EDARADD: variants seen among roughly 807,000 people sequenced by gnomAD.
EDARADD encodes the protein EDAR associated via death domain.
Under a neutral mutation model 25.6 loss-of-function variants are expected in EDARADD, and 20 were observed. The observed-to-expected ratio is 0.78, with a 90% CI of 0.55 to 1.14. The LOEUF (loss-of-function observed/expected upper bound fraction) is 1.14. Ranked by LOEUF, EDARADD falls within the 50% of genes most tolerant of loss-of-function variation. The pLI is 0.00. For missense variants in EDARADD, 225 were observed against 270.1 expected, an observed-to-expected ratio of 0.83 and a Z score of 1.17; for synonymous variants, 86 against 94.4, an observed-to-expected ratio of 0.91 and a Z score of 0.52.
intron 4 of EDARADD, among the ~76,000 whole-genome samples, chr1:236,439,130 C>T (rs975583884): frequency 2.6e-5 from 4 of 152,210 alleles, no homozygotes; most frequent in South Asian, 2.1e-4. Flanking sequence ...TGGCTTCTTT[C>T]CCTTAGTAAT....
At chr1:236,426,456 G>A (rs1033278351) in intron 3 of EDARADD, among the ~76,000 whole-genome samples, 35 of 152,220 alleles carry the variant, frequency 2.3e-4, no homozygotes, top group African/African-American at 8.4e-4. Flanking sequence ...GGGGGACACA[G>A]ATGTTGTACT....
intron 2 of EDARADD, among the ~76,000 whole-genome samples, chr1:236,412,773 T>C (rs1657529221): frequency 6.6e-6 from 1 of 152,266 alleles, no homozygotes; most frequent in Non-Finnish European, 1.5e-5. Context: ...GGATGTTTAC[T>C]TAAAACTATG....
At chr1:236,367,906 C>T (rs1054260697) in intron 3 of EDARADD, among the ~76,000 whole-genome samples, 10 of 150,078 alleles carry the variant, frequency 6.7e-5, no homozygotes, top group African/African-American at 1.2e-4. Context: ...CCCAGAAATT[C>T]GAGACCAGCC....
intron 3 of EDARADD, among the ~76,000 whole-genome samples, chr1:236,351,293 A>G (rs755174943): frequency 1.3e-5 from 2 of 152,126 alleles, no homozygotes; most frequent in African/African-American, 4.8e-5. Context: ...CCTTTTAGGT[A>G]GACAGGTTAA....
At chr1:236,452,574 G>C (rs1488134517) in intron 4 of EDARADD, among the ~76,000 whole-genome samples, 1 of 152,028 alleles carries the variant, frequency 6.6e-6, no homozygotes, top group Non-Finnish European at 1.5e-5. Context: ...ATGACTGTAA[G>C]TTTCTTGAGG....
At chr1:236,405,773 CTTT>C (rs1558112388) in intron 1 of EDARADD, among the ~76,000 whole-genome samples, 1,068 of 65,630 alleles carry the variant, frequency 0.016, 17 homozygotes, top group Non-Finnish European at 0.023. Flanking sequence ...TTCTTTCTTT[CTTT>C]CTTTCTTTCT....
intron 5 of EDARADD, among the ~76,000 whole-genome samples, chr1:236,476,536 T>TG (rs1659512055): frequency 2.0e-5 from 3 of 151,642 alleles, no homozygotes; most frequent in Non-Finnish European, 2.9e-5. Context: ...ATTTTTTTTT[T>TG]TTGTTTGAGA....
intron 5 of EDARADD, among the ~76,000 whole-genome samples, chr1:236,480,665 C>A (rs981263550): frequency 1.3e-5 from 2 of 152,110 alleles, no homozygotes; most frequent in African/African-American, 4.8e-5. Context: ...TCTAAAGTGA[C>A]CTTTGGCTGT....
At chr1:236,456,189 C>T (rs931937623) in intron 4 of EDARADD, among the ~76,000 whole-genome samples, 2 of 152,166 alleles carry the variant, frequency 1.3e-5, no homozygotes, top group African/African-American at 2.4e-5. Flanking sequence ...TCAAATCAAG[C>T]GAGAAATCAC....
chr1:236,456,846 C>T lies in EDARADD; in HGVS notation c.220-11385C>T, dbSNP rs1658882993. Among the ~76,000 whole-genome samples, 5 of 152,174 alleles carry T rather than the reference C, an allele frequency of 3.3e-5. No homozygotes were observed. In the South Asian group the frequency reaches 1.0e-3, roughly 32 times the overall value. On this transcript the variant is annotated intron_variant, in intron 4 of 5. Coordinates refer to ENST00000334232, the MANE Select transcript of EDARADD (RefSeq NM_145861.4). Reference sequence around the variant, plus strand: ...CCCCGGCCCTGCAGCCGTCCTGTGGCCTCACTGACCCAGCGTCATGCCCTG... The same window carrying T: ...CCCCGGCCCTGCAGCCGTCCTGTGGTCTCACTGACCCAGCGTCATGCCCTG...
chr1:236,442,447 T>TCTAGGACTTTCCTAG (rs1658426424), intron 4 of EDARADD, among the ~76,000 whole-genome samples: 1 of 152,200 alleles, frequency 6.6e-6, no homozygotes, highest in Non-Finnish European at 1.5e-5. Context: ...AGCCTGGCCA[T>TCTAGGACTTTCCTAG]CTAGGACTTT....
intron 3 of EDARADD, among the ~76,000 whole-genome samples, chr1:236,359,784 A>G (rs970532720): frequency 5.3e-5 from 8 of 152,196 alleles, no homozygotes; most frequent in Admixed American, 3.9e-4. Flanking sequence ...ACTTGCCACC[A>G]TGATTCAGTT....
chr1:236,478,591 A>T (rs1464808207), intron 5 of EDARADD, among the ~76,000 whole-genome samples: 6 of 151,810 alleles, frequency 4.0e-5, no homozygotes, highest in Non-Finnish European at 8.8e-5. Context: ...ATTTTATTTT[A>T]TTTATTTATT....
intron 3 of EDARADD, among the ~76,000 whole-genome samples, chr1:236,380,060 G>C (rs1667280422): frequency 6.6e-6 from 1 of 152,158 alleles, no homozygotes; most frequent in Non-Finnish European, 1.5e-5. Context: ...TGCCTTTGGT[G>C]CCCGTACCTG....
At position 236,395,532 on chromosome 1, in the gene EDARADD, A is replaced by T. The variant is rs1034918114; in HGVS notation, c.61+1027A>T. On this transcript the variant is annotated intron_variant, in intron 1 of 5. Transcript: ENST00000334232. This position sits in a 1 kb window ranked among gnomAD's most constrained non-coding sequence, Gnocchi z 6.9. ...CCACGGTTTGCTCCAGGCGCGTCGG[A>T]ACCGCAGGACTTTTCATCCCCGTGG... The T allele has an allele frequency of 6.5e-7, 1 of 1,536,352 alleles. No homozygotes were observed. Among genetic ancestry groups the T allele is most frequent in the Admixed American group, 2.0e-5 (1 of 50,852 alleles).
intron 3 of EDARADD, among the ~76,000 whole-genome samples, chr1:236,415,009 T>C (rs1270728426): frequency 1.3e-5 from 2 of 152,048 alleles, no homozygotes; most frequent in South Asian, 2.1e-4. Flanking sequence ...TTGGGCAGGA[T>C]TTCCCCCCGT....
chr1:236,418,010 G>A (rs953388865), intron 3 of EDARADD, among the ~76,000 whole-genome samples: 6 of 150,066 alleles, frequency 4.0e-5, no homozygotes, highest in African/African-American at 7.4e-5. Context: ...CTGGAGTGCA[G>A]TGGTGCGATC....
chr1:236,405,796 TTTTC>T (rs1323039739), intron 1 of EDARADD, among the ~76,000 whole-genome samples: 14 of 110,626 alleles, frequency 1.3e-4, no homozygotes, highest in African/African-American at 4.7e-4. Flanking sequence ...TTTCTTTTCT[TTTTC>T]TTTCTTTCTT....
chr1:236,475,751 C>A (rs933655711), intron 5 of EDARADD, among the ~76,000 whole-genome samples: 3 of 150,892 alleles, frequency 2.0e-5, no homozygotes, highest in African/African-American at 7.3e-5. Flanking sequence ...GCAACAAGGG[C>A]AAGACTCCGT....
Sources: gnomAD v4.1 joint callset for allele counts (sites outside exome capture counted in the v4.1 genomes callset) on GRCh38, gnomAD v4.1.1 for gene constraint, Gnocchi (gnomAD v3.1) non-coding constraint, MANE v1.5 for transcripts, NCBI Gene and HGNC (gene_info 2026-07-23, HGNC 2026-07-21) for gene names.